Variants in KIAA1328 observed in about 807,000 individuals in gnomAD.
KIAA1328 encodes the protein KIAA1328.
In KIAA1328, 52 loss-of-function variants were observed where a neutral mutation model predicts 68.1. That is an observed-to-expected ratio of 0.76 (90% CI 0.61 to 0.96). The LOEUF (loss-of-function observed/expected upper bound fraction) is 0.96. KIAA1328 is among the 40% of genes least tolerant of loss of function. KIAA1328 has a pLI of 0.00. For missense variants in KIAA1328, 641 were observed against 677.6 expected (o/e 0.95, Z 0.60); for synonymous variants, 232 against 239.4 (o/e 0.97, Z 0.28).
chr18:36,970,272 C>T (rs1439987165), intron 6 of KIAA1328, among the ~76,000 whole-genome samples: 1 of 152,182 alleles, frequency 6.6e-6, no homozygotes, highest in Non-Finnish European at 1.5e-5. Flanking sequence ...ATGCTACAGA[C>T]TCTCAATACA....
At chr18:37,113,771 G>A (rs543365494) in intron 7 of KIAA1328, among the ~76,000 whole-genome samples, 140 of 152,242 alleles carry the variant, frequency 9.2e-4, no homozygotes, top group Non-Finnish European at 1.7e-3. Context: ...CCCATCTCAC[G>A]TTCAGAGACA....
At position 37,223,219 on chromosome 18, in the gene KIAA1328, C is replaced by T; in HGVS notation, c.*992C>T. On this transcript the variant is annotated 3_prime_UTR_variant, in exon 10 of 10. Transcript: ENST00000280020. ...AAGGATACAAGCTGACCAGGCCTCACAGGTGCTCTGCTCGTGGCCCCAAAG... is the reference window on the plus strand; with the variant it reads ...AAGGATACAAGCTGACCAGGCCTCATAGGTGCTCTGCTCGTGGCCCCAAAG... The T allele has an allele frequency of 1.0e-6, 1 of 985,322 alleles. No homozygotes were observed. The highest frequency in any genetic ancestry group is 1.7e-5 in the African/African-American group (1 of 57,314). 61.0% of individuals were successfully genotyped at this position (985,322 alleles called of 1,614,324 possible).
At chr18:37,077,210 G>A (rs1408687486) in intron 7 of KIAA1328, among the ~76,000 whole-genome samples, 2 of 142,858 alleles carry the variant, frequency 1.4e-5, no homozygotes, top group South Asian at 2.1e-4. Flanking sequence ...AATCCAGCAT[G>A]TAAACAGAAC....
chr18:37,089,370 G>GC (rs1283274426), intron 7 of KIAA1328, among the ~76,000 whole-genome samples: 282 of 133,086 alleles, frequency 2.1e-3, no homozygotes, highest in Middle Eastern at 4.1e-3. Context: ...GAAGGTAGTG[G>GC]CTTTTTTTTT....
rs186895933 is a variant in KIAA1328 at position 36,997,015 on chromosome 18, C to T, written c.576+37580C>T. On this transcript the variant is annotated intron_variant, in intron 6 of 9. Transcript: ENST00000280020. Reference sequence around the variant, plus strand: ...TTCAAATAGAAGGAAGCTACTGTGACGTTTCTGATTGATGCTTTGACTTTC... The same window carrying T: ...TTCAAATAGAAGGAAGCTACTGTGATGTTTCTGATTGATGCTTTGACTTTC... 1.3e-4 allele frequency among the ~76,000 whole-genome samples: 20 copies of T among 152,128 alleles called. No individual in the cohort carries two copies. In the East Asian group the frequency reaches 2.5e-3, roughly 19 times the overall value.
chr18:37,099,273 T>C (rs1474604990), intron 7 of KIAA1328, among the ~76,000 whole-genome samples: 2 of 152,252 alleles, frequency 1.3e-5, no homozygotes, highest in Non-Finnish European at 2.9e-5. Context: ...TGGTACGTTG[T>C]GTCTTTGTTC....
In KIAA1328 at chr18:37,194,020, G is replaced by A. The variant is rs552611705; in HGVS notation, c.1523+20939G>A. 1.2e-4 allele frequency among the ~76,000 whole-genome samples: 18 copies of A among 152,298 alleles called. No homozygotes were observed. The East Asian group carries it at 2.7e-3, about 23-fold the overall frequency. ...CACAATGCAGTTAACCAGTCGACTA[G>A]AATGGATATTTGAGTTATTTTCACT... On this transcript the variant is annotated intron_variant, in intron 9 of 9. Coordinates refer to ENST00000280020, the MANE Select transcript of KIAA1328 (RefSeq NM_020776.3).
chr18:37,207,926 C>T (rs2060246048), intron 9 of KIAA1328, among the ~76,000 whole-genome samples: 3 of 152,204 alleles, frequency 2.0e-5, no homozygotes, highest in African/African-American at 4.8e-5. Flanking sequence ...TCTCCTGCCT[C>T]AGTCTCCCGA....
intron 8 of KIAA1328, among the ~76,000 whole-genome samples, chr18:37,164,315 A>G (rs1365470494): frequency 6.6e-6 from 1 of 152,196 alleles, no homozygotes; most frequent in Non-Finnish European, 1.5e-5. Context: ...CAAAATAAGG[A>G]CCTACTCAGG....
At chr18:37,200,683 C>T (rs1172320363) in intron 9 of KIAA1328, among the ~76,000 whole-genome samples, 3 of 151,740 alleles carry the variant, frequency 2.0e-5, no homozygotes, top group Admixed American at 6.6e-5. Context: ...CGGTGGCGGG[C>T]GCCTGTAGTC....
intron 5 of KIAA1328, among the ~76,000 whole-genome samples, chr18:36,922,838 T>C (rs1042155130): frequency 1.3e-5 from 2 of 152,154 alleles, no homozygotes; most frequent in African/African-American, 4.8e-5. Context: ...GTTAGAATTT[T>C]TTTTCGTAGT....
At chr18:36,916,790 TTTG>T (rs2151092119) in intron 5 of KIAA1328, among the ~76,000 whole-genome samples, 1 of 152,304 alleles carries the variant, frequency 6.6e-6, no homozygotes, top group East Asian at 1.9e-4. Context: ...TATTTGTTTG[TTTG>T]TTTAGAGACA....
chr18:36,992,450 T>C (rs2053219194), intron 6 of KIAA1328, among the ~76,000 whole-genome samples: 1 of 70,046 alleles, frequency 1.4e-5, no homozygotes, highest in African/African-American at 3.5e-5. Flanking sequence ...TTCTTTTCTT[T>C]CTTTTTTTTT....
intron 5 of KIAA1328, among the ~76,000 whole-genome samples, chr18:36,897,308 TG>T (rs1362420176): frequency 8.5e-5 from 13 of 152,214 alleles, no homozygotes; most frequent in African/African-American, 2.4e-4. Context: ...TTTTTGAATT[TG>T]TAAATAAATG....
chr18:37,061,494 T>A (rs1341748958), intron 6 of KIAA1328, among the ~76,000 whole-genome samples: 1 of 152,082 alleles, frequency 6.6e-6, no homozygotes, highest in African/African-American at 2.4e-5. Flanking sequence ...GCCTCAATGT[T>A]TTAAAAAAAT....
intron 9 of KIAA1328, among the ~76,000 whole-genome samples, chr18:37,192,552 T>C (rs2059926586): frequency 6.6e-6 from 1 of 152,204 alleles, no homozygotes; most frequent in Admixed American, 6.5e-5. Context: ...GTTTCTACAC[T>C]ATATTCTCCA....
At chr18:36,898,571 G>A (rs947517672) in intron 5 of KIAA1328, among the ~76,000 whole-genome samples, 2 of 151,874 alleles carry the variant, frequency 1.3e-5, no homozygotes, top group Non-Finnish European at 2.9e-5. Context: ...AACAGGAAAG[G>A]CCAAAGTGAC....
At chr18:37,122,967 T>C (rs1034907973) in intron 7 of KIAA1328, among the ~76,000 whole-genome samples, 1 of 152,180 alleles carries the variant, frequency 6.6e-6, no homozygotes, top group African/African-American at 2.4e-5. Flanking sequence ...TAGTAATGTA[T>C]GTTATAAGAC....
intron 9 of KIAA1328, among the ~76,000 whole-genome samples, chr18:37,179,757 A>G (rs566097801): frequency 2.6e-5 from 4 of 152,248 alleles, no homozygotes; most frequent in South Asian, 2.1e-4. Context: ...TGAAAATCCA[A>G]TTGCTTCCAG....
Sources: gnomAD v4.1 joint callset for allele counts (sites outside exome capture counted in the v4.1 genomes callset) on GRCh38, gnomAD v4.1.1 for gene constraint, MANE v1.5 for transcripts, NCBI Gene and HGNC (gene_info 2026-07-23, HGNC 2026-07-21) for gene names.